Variants in COMMD1 observed in about 807,000 individuals in gnomAD.
COMMD1 encodes the protein COMM domain-containing protein 1.
Under a neutral mutation model 17.2 loss-of-function variants are expected in COMMD1, and 10 were observed. The observed-to-expected ratio is 0.58, with a 90% CI of 0.36 to 0.99. COMMD1 has a LOEUF of 0.99. Among genes scored for constraint, COMMD1 ranks in the 50% least tolerant of loss-of-function variants. The pLI is 0.01. For synonymous variants in COMMD1, 97 were observed against 91.6 expected (o/e 1.06, Z -0.34); for missense variants, 270 against 231.8 (o/e 1.17, Z -1.07).
At chr2:61,911,757 C>G (rs1206872825) in intron 1 of COMMD1, among the ~76,000 whole-genome samples, 2 of 152,166 alleles carry the variant, frequency 1.3e-5, no homozygotes, top group Non-Finnish European at 2.9e-5. Flanking sequence ...CGTTATACCT[C>G]TTTACTCTCC....
intron 1 of COMMD1, among the ~76,000 whole-genome samples, chr2:61,942,294 G>T (rs991880533): frequency 2.0e-5 from 3 of 151,998 alleles, no homozygotes; most frequent in African/African-American, 7.3e-5. Flanking sequence ...AGTAGAGATG[G>T]GGTTGCACCA....
intron 1 of COMMD1, among the ~76,000 whole-genome samples, chr2:61,979,676 A>G (rs1368382093): frequency 2.0e-5 from 3 of 152,054 alleles, no homozygotes; most frequent in African/African-American, 7.2e-5. Context: ...TCCCACCAAC[A>G]GTGTACAAGG....
At chr2:61,976,338 A>AC (rs1332361070) in intron 1 of COMMD1, among the ~76,000 whole-genome samples, 1 of 152,206 alleles carries the variant, frequency 6.6e-6, no homozygotes, top group Non-Finnish European at 1.5e-5. Context: ...CACCATGCTG[A>AC]CACTAACCAA....
chr2:62,008,173 C>A (rs1038806997), intron 2 of COMMD1, among the ~76,000 whole-genome samples: 3 of 152,048 alleles, frequency 2.0e-5, no homozygotes, highest in Non-Finnish European at 4.4e-5. Context: ...AAAGTGAGAC[C>A]TTGTCTCTAA....
chr2:61,932,270 C>T (rs1670485524), intron 1 of COMMD1, among the ~76,000 whole-genome samples: 1 of 152,198 alleles, frequency 6.6e-6, no homozygotes, highest in Admixed American at 6.5e-5. Flanking sequence ...TTTATAAATC[C>T]AGTACTTCCA....
chr2:62,067,448 G>A (rs1391700417), intron 2 of COMMD1, among the ~76,000 whole-genome samples: 3 of 152,106 alleles, frequency 2.0e-5, no homozygotes, highest in Non-Finnish European at 4.4e-5. Flanking sequence ...GCCCCATAGA[G>A]TTGTATGACT....
rs150290210 is a variant in COMMD1, at chr2:62,096,702, G to A, written c.463-39129G>A. ...TCGTAATAGCAGAGATTCTCTCAGA[G>A]TTTATTAATAGCCCCCTTGGGGAAA... On this transcript the variant is annotated intron_variant, in intron 2 of 2. Coordinates refer to ENST00000311832, the MANE Select transcript of COMMD1 (RefSeq NM_152516.4). 2.4e-3 allele frequency among the ~76,000 whole-genome samples: 372 copies of A among 152,326 alleles called. 3 individuals carry two copies. Among genetic ancestry groups the A allele is most frequent in the African/African-American group, 8.4e-3 (351 of 41,568 alleles).
chr2:61,940,132 C>T lies in COMMD1; in HGVS notation c.180+34274C>T, dbSNP rs143191952. On this transcript the variant is annotated intron_variant, in intron 1 of 2. Transcript: ENST00000311832. ...GTGCTCACAGTTTTTTGTCATAAGT[C>T]CCAATACTCCACAAAAGGCTACAAA... Among the ~76,000 whole-genome samples, 281 of 152,218 alleles carry T rather than the reference C, an allele frequency of 1.8e-3. 2 individuals carry two copies. The highest frequency in any genetic ancestry group is 6.4e-3 in the African/African-American group (265 of 41,540).
intron 1 of COMMD1, among the ~76,000 whole-genome samples, chr2:61,972,436 T>G (rs916963975): frequency 4.6e-5 from 7 of 152,198 alleles, no homozygotes; most frequent in African/African-American, 1.7e-4. Context: ...AACTCTCTAT[T>G]CTTATGGGTG....
At chr2:61,969,820 C>T (rs535512517) in intron 1 of COMMD1, among the ~76,000 whole-genome samples, 1 of 152,216 alleles carries the variant, frequency 6.6e-6, no homozygotes, top group African/African-American at 2.4e-5. Flanking sequence ...ATTCTTTCTT[C>T]CTGGCTATAA....
chr2:61,905,752 A>C lies in COMMD1; in HGVS notation c.74A>C (p.His25Pro), dbSNP rs1194195918. The C allele has an allele frequency of 1.9e-6, 3 of 1,613,794 alleles. No individual in the cohort carries two copies. The highest frequency in any genetic ancestry group is 2.7e-5 in the African/African-American group (2 of 74,922). ...AATGCGCTGGCCCAGGACACTTTCC[A>C]CGGGTACCCCGGCATCACAGAGGAG... Reference protein sequence around the residue: ...LLNALAQDTFHGYPGITEELL... With the variant: ...LLNALAQDTFPGYPGITEELL... The change falls in exon 1 of 3, where the codon CAC (histidine) becomes CCC (proline). Residue 25 changes from histidine (H) to proline (P), a missense_variant. Transcript: ENST00000311832.
At chr2:61,921,125 G>A (rs1026893247) in intron 1 of COMMD1, among the ~76,000 whole-genome samples, 5 of 151,206 alleles carry the variant, frequency 3.3e-5, no homozygotes, top group African/African-American at 1.2e-4. Context: ...CTACAGGTGC[G>A]TGCCTGGCCA....
intron 1 of COMMD1, among the ~76,000 whole-genome samples, chr2:61,957,725 G>A (rs1573001387): frequency 1.3e-5 from 2 of 152,216 alleles, no homozygotes; most frequent in East Asian, 3.9e-4. Flanking sequence ...AAAAACACAA[G>A]CAAACTATTC....
intron 2 of COMMD1, among the ~76,000 whole-genome samples, chr2:62,007,386 C>G (rs1456774295): frequency 6.6e-6 from 1 of 152,084 alleles, no homozygotes; most frequent in Non-Finnish European, 1.5e-5. Context: ...GCAATTTTGT[C>G]TGAAACATAG....
chr2:62,021,090 A>G (rs1281355152), intron 2 of COMMD1, among the ~76,000 whole-genome samples: 4 of 152,170 alleles, frequency 2.6e-5, no homozygotes, highest in Admixed American at 6.6e-5. Context: ...GTCTAATTGA[A>G]TAGTACTCAG....
chr2:62,109,726 T>C (rs1373761491), intron 2 of COMMD1, among the ~76,000 whole-genome samples: 2 of 152,112 alleles, frequency 1.3e-5, no homozygotes, highest in Non-Finnish European at 2.9e-5. Context: ...ATCCTGTTGT[T>C]GTATGTTATC....
intron 1 of COMMD1, among the ~76,000 whole-genome samples, chr2:61,913,429 G>A (rs1669963500): frequency 6.7e-6 from 1 of 150,114 alleles, no homozygotes; most frequent in South Asian, 2.1e-4. Context: ...TGTAATCCCA[G>A]CACTTTGGGA....
chr2:62,041,978 C>T (rs961820568), intron 2 of COMMD1, among the ~76,000 whole-genome samples: 1 of 152,258 alleles, frequency 6.6e-6, no homozygotes, highest in Non-Finnish European at 1.5e-5. Flanking sequence ...CGGCTTGCCG[C>T]TGCTGGCTCT....
At chr2:61,982,731 A>G (rs1347515850) in intron 1 of COMMD1, among the ~76,000 whole-genome samples, 2 of 152,200 alleles carry the variant, frequency 1.3e-5, no homozygotes, top group East Asian at 1.9e-4. Flanking sequence ...GACAGTTTTC[A>G]TCATGAAGGG....
Sources: gnomAD v4.1 joint callset for allele counts (sites outside exome capture counted in the v4.1 genomes callset) on GRCh38, gnomAD v4.1.1 for gene constraint, MANE v1.5 for transcripts, NCBI Gene and HGNC (gene_info 2026-07-23, HGNC 2026-07-21) for gene names.